The following NUP153 variants were observed in gnomAD, a reference collection of about 807,000 sequenced individuals.
NUP153 encodes nucleoporin 153.
In NUP153, 27 loss-of-function variants were observed where a neutral mutation model predicts 134.6. That is an observed-to-expected ratio of 0.20 (90% CI 0.15 to 0.28). The LOEUF is 0.28. NUP153 is among the 10% of genes least tolerant of loss of function. The pLI is 1.00. For missense variants in NUP153, 1,821 were observed against 1,731.3 expected, an observed-to-expected ratio of 1.05 and a Z score of -0.92; for synonymous variants, 640 against 623.5, an observed-to-expected ratio of 1.03 and a Z score of -0.40.
At chr6:17,701,844 G>GA (rs71002249) in intron 1 of NUP153, among the ~76,000 whole-genome samples, 4,348 of 81,696 alleles carry the variant, frequency 0.053, 843 homozygotes, top group African/African-American at 0.15. Flanking sequence ...GGGGGGGGGG[G>GA]AAAAAAGCTA....
In NUP153 at chr6:17,625,806, A is replaced by G; in HGVS notation, c.3901+2T>C. 1 of 1,605,096 alleles carries G rather than the reference A, an allele frequency of 6.2e-7. No homozygotes were observed. The highest frequency in any genetic ancestry group is 8.5e-7 in the Non-Finnish European group (1 of 1,172,376). ...AATGCATTTTTTCTTTTGTAAATGTACCTGCAGAGCTAGATGTGGTTGTGG... is the reference window on the plus strand; with the variant it reads ...AATGCATTTTTTCTTTTGTAAATGTGCCTGCAGAGCTAGATGTGGTTGTGG... On this transcript the variant is annotated splice_donor_variant, in intron 19 of 21. Transcript: ENST00000262077. LOFTEE classifies it high-confidence loss of function. This position sits in a 1 kb window ranked among gnomAD's most constrained non-coding sequence, Gnocchi z 4.7.
At position 17,629,025 on chromosome 6, in the gene NUP153, A is replaced by G. The variant is rs1172381725; in HGVS notation, c.3174T>C (p.Ala1058=). 4.3e-6 allele frequency: 7 copies of G among 1,614,172 alleles called. No homozygotes were observed. Among genetic ancestry groups the G allele is most frequent in the Non-Finnish European group, 5.9e-6 (7 of 1,180,036 alleles). ...FNLGTIETKS[A]SVAPFTCKTS... The stretch of plus-strand genomic sequence containing the variant: ...TCTTACATGTGAAAGGAGCCACTGA[A>G]GCACTCTTGGTTTCTATGGTTCCAA... Residue 1058 remains alanine (A), a synonymous_variant, in exon 18 of 22, where the codon GCT becomes GCC. Transcript: ENST00000262077.
intron 11 of NUP153, among the ~76,000 whole-genome samples, chr6:17,653,931 T>G (rs1400217603): frequency 1.3e-5 from 2 of 152,244 alleles, no homozygotes; most frequent in Non-Finnish European, 2.9e-5. Flanking sequence ...TAACTCTACT[T>G]CACGCTATGT....
At chr6:17,686,461 T>A (rs1206207284) in intron 2 of NUP153, among the ~76,000 whole-genome samples, 2 of 151,646 alleles carry the variant, frequency 1.3e-5, no homozygotes. Context: ...AGTGGTGCGA[T>A]CTCGGCTCAC....
chr6:17,661,271 G>A (rs925001919), intron 11 of NUP153, among the ~76,000 whole-genome samples: 24 of 152,084 alleles, frequency 1.6e-4, no homozygotes, highest in South Asian at 2.1e-4. Flanking sequence ...CCGAGACTGC[G>A]CCACTGCACT....
chr6:17,629,534 C>T lies in NUP153; in HGVS notation c.2665G>A (p.Asp889Asn). ...PGTKSGFKGFDTSSSSSNSAA... is the reference protein window; with the variant it reads ...PGTKSGFKGFNTSSSSSNSAA... Reference sequence around the variant, plus strand: ...GAGTTCGAAGATGAGGAAGATGTGTCAAAGCCTACAAAAATATAAAAGACA... The same window carrying T: ...GAGTTCGAAGATGAGGAAGATGTGTTAAAGCCTACAAAAATATAAAAGACA... Residue 889 changes from aspartate (D) to asparagine (N), a missense_variant, in exon 18 of 22, where the codon GAC becomes AAC. By Grantham distance (23) the Asp-to-Asn change is conservative. Transcript: ENST00000262077. 6.3e-7 allele frequency: 1 copy of T among 1,580,406 alleles called. No homozygotes were observed. The highest frequency in any genetic ancestry group is 8.5e-7 in the Non-Finnish European group (1 of 1,169,932).
chr6:17,631,919 A>C lies in NUP153; in HGVS notation c.2659+731T>G, dbSNP rs567548072. On this transcript the variant is annotated intron_variant, in intron 17 of 21. Transcript: ENST00000262077. The stretch of plus-strand genomic sequence containing the variant: ...GAGGCGGAGCTTGCAGTGAGCAGAG[A>C]TCGGCCACTGCACTCCGGCCTGGGC... Among the ~76,000 whole-genome samples the C allele has an allele frequency of 5.9e-5, 9 of 152,172 alleles. No homozygotes were observed. The East Asian group carries it at 1.7e-3, about 29-fold the overall frequency.
intron 15 of NUP153, among the ~76,000 whole-genome samples, chr6:17,639,253 CTTTT>C (rs905958120): frequency 1.6e-4 from 25 of 151,806 alleles, no homozygotes; most frequent in African/African-American, 6.0e-4. Flanking sequence ...AATTTTTTCT[CTTTT>C]TAATAGAGAT....
intron 1 of NUP153, among the ~76,000 whole-genome samples, chr6:17,699,725 C>T (rs1476046784): frequency 1.3e-5 from 2 of 151,926 alleles, no homozygotes; most frequent in African/African-American, 4.8e-5. Context: ...ACCCCAGTTA[C>T]TCAGGAGGCT....
Position 17,626,130 on chromosome 6 carries a change from C to T in NUP153, c.3579G>A (p.Leu1193=), listed in dbSNP as rs2113768665. The T allele has an allele frequency of 6.2e-7, 1 of 1,613,026 alleles. No homozygotes were observed. The highest frequency in any genetic ancestry group is 2.2e-5 in the East Asian group (1 of 44,876). Residue 1193 remains leucine (L), a synonymous_variant, in exon 19 of 22, where the codon TTG becomes TTA. Transcript: ENST00000262077. ...TACTTGAACTAGAGGAACTGTTGTT[C>T]AAGAAACTAAAAACTGGCTTTGCTG... ...QGAAKPVFSF[L]NNSSSSSSTP... is the part of the protein sequence containing the mutation.
At chr6:17,691,352 G>A (rs1043795315) in intron 1 of NUP153, among the ~76,000 whole-genome samples, 1 of 152,160 alleles carries the variant, frequency 6.6e-6, no homozygotes, top group African/African-American at 2.4e-5. Context: ...ACTATGGAAA[G>A]AAAGCCTATA....
rs769406672 is a variant in NUP153, at chr6:17,632,771, T to C, written c.2538A>G (p.Glu846=). Residue 846 remains glutamate (E), a synonymous_variant, in exon 17 of 22, where the codon GAA becomes GAG. Coordinates refer to ENST00000262077, the MANE Select transcript of NUP153 (RefSeq NM_005124.4). ...AGCTTCCCTCGGGTTTCTTGAACTT[T>C]TCCAATCCTAGAGAGCCTCCAGAAG... ...SLPSGGSLGL[E]KFKKPEGSWD... 2 of 1,592,114 alleles carry C rather than the reference T, an allele frequency of 1.3e-6. No individual in the cohort carries two copies. The highest frequency in any genetic ancestry group is 1.4e-5 in the African/African-American group (1 of 73,998).
At chr6:17,671,306 T>A (rs534031732) in intron 5 of NUP153, among the ~76,000 whole-genome samples, 1 of 152,160 alleles carries the variant, frequency 6.6e-6, no homozygotes, top group Non-Finnish European at 1.5e-5. Context: ...GGGGTAATAA[T>A]GTTGGCCTCA....
chr6:17,656,549 T>A (rs775939594), intron 11 of NUP153, among the ~76,000 whole-genome samples: 3 of 152,170 alleles, frequency 2.0e-5, no homozygotes, highest in Non-Finnish European at 4.4e-5. Flanking sequence ...TAATTTTTGT[T>A]ATTTTTTTGT....
intron 8 of NUP153, among the ~76,000 whole-genome samples, chr6:17,667,466 G>A (rs980020058): frequency 7.2e-5 from 11 of 152,314 alleles, no homozygotes; most frequent in Admixed American, 3.9e-4. Context: ...TGTAATCCCA[G>A]CACTTTGGGA....
chr6:17,642,335 T>C (rs1430412497), intron 14 of NUP153, among the ~76,000 whole-genome samples: 1 of 151,980 alleles, frequency 6.6e-6, no homozygotes, highest in Non-Finnish European at 1.5e-5. Flanking sequence ...CTGGTAAGGG[T>C]CTAGTGTCCA....
In NUP153 at chr6:17,628,151, G is replaced by A. The variant is rs960242729; in HGVS notation, c.3544+504C>T. Among the ~76,000 whole-genome samples the A allele has an allele frequency of 6.6e-6, 1 of 152,168 alleles. No homozygotes were observed. Among genetic ancestry groups the A allele is most frequent in the African/African-American group, 2.4e-5 (1 of 41,426 alleles). Reference sequence around the variant, plus strand: ...AACAATCATGCTTTTAACCTTTAAGGTGCTATGTCATTTTTTTCCCCAGGA... The same window carrying A: ...AACAATCATGCTTTTAACCTTTAAGATGCTATGTCATTTTTTTCCCCAGGA... On this transcript the variant is annotated intron_variant, in intron 18 of 21. Transcript: ENST00000262077. This position sits in a 1 kb window ranked among gnomAD's most constrained non-coding sequence, Gnocchi z 5.4.
chr6:17,684,430 C>G (rs751636059), intron 2 of NUP153, among the ~76,000 whole-genome samples: 195 of 152,314 alleles, frequency 1.3e-3, no homozygotes, highest in Non-Finnish European at 2.4e-4. Context: ...CCTCAGACTT[C>G]ACAGAACTGA....
intron 16 of NUP153, among the ~76,000 whole-genome samples, chr6:17,633,573 G>T (rs934980865): frequency 6.6e-6 from 1 of 152,156 alleles, no homozygotes; most frequent in Non-Finnish European, 1.5e-5. Flanking sequence ...ATCACCAAGT[G>T]ACAACCTAAA....
Sources: gnomAD v4.1 joint callset for allele counts (sites outside exome capture counted in the v4.1 genomes callset) on GRCh38, gnomAD v4.1.1 for gene constraint, Gnocchi (gnomAD v3.1) non-coding constraint, MANE v1.5 for transcripts, NCBI Gene and HGNC (gene_info 2026-07-23, HGNC 2026-07-21) for gene names.